The following GRK5 variants were observed in gnomAD, a reference collection of about 807,000 sequenced individuals.
GRK5 encodes the protein g protein-coupled receptor kinase GRK5.
Under a neutral mutation model 78.4 loss-of-function variants are expected in GRK5, and 40 were observed. The ratio of observed to expected loss-of-function variants is 0.51; its 90% CI spans 0.40 to 0.66. The LOEUF is 0.66. GRK5 is among the 30% of genes least tolerant of loss of function. The pLI, the probability that GRK5 is intolerant of heterozygous loss-of-function variation, is 0.00. For missense variants in GRK5, 598 were observed against 759.9 expected (o/e 0.79, Z 2.50); for synonymous variants, 289 against 296.8 (o/e 0.97, Z 0.27).
chr10:119,223,004 A>C (rs555282125), intron 1 of GRK5, among the ~76,000 whole-genome samples: 1 of 152,306 alleles, frequency 6.6e-6, no homozygotes, highest in Non-Finnish European at 1.5e-5. Context: ...TCCTAGGGAT[A>C]CGTAATAAAG....
chr10:119,276,165 G>A (rs1849666566), intron 1 of GRK5, among the ~76,000 whole-genome samples: 1 of 152,062 alleles, frequency 6.6e-6, no homozygotes, highest in African/African-American at 2.4e-5. Context: ...TGTGCACAAT[G>A]TGCAGGTTAG....
intron 2 of GRK5, chr10:119,333,782 C>T (rs746016088): frequency 3.9e-5 from 21 of 532,828 alleles, no homozygotes; most frequent in African/African-American, 7.7e-5. Flanking sequence ...CTGAGCGGAT[C>T]GCTGATCTCC....
chr10:119,414,966 C>T (rs1852416148), intron 4 of GRK5, among the ~76,000 whole-genome samples: 1 of 150,588 alleles, frequency 6.6e-6, no homozygotes, highest in South Asian at 2.1e-4. Flanking sequence ...CCTGTAATCC[C>T]AGCTACTCAG....
chr10:119,255,093 A>G lies in GRK5; in HGVS notation c.52+47124A>G, dbSNP rs553730551. Reference sequence around the variant, plus strand: ...CAGAGTAGAGCAGGAAGCTCTGTGTATGTATGCGCAGGTAAGGTCGTCAGG... The same window carrying G: ...CAGAGTAGAGCAGGAAGCTCTGTGTGTGTATGCGCAGGTAAGGTCGTCAGG... On this transcript the variant is annotated intron_variant, in intron 1 of 15. Transcript: ENST00000392870. Among the ~76,000 whole-genome samples, 14 of 150,306 alleles carry G rather than the reference A, an allele frequency of 9.3e-5. No homozygotes were observed. In the South Asian group the frequency reaches 2.9e-3, roughly 32 times the overall value.
chr10:119,417,353 T>G (rs1044838110), intron 4 of GRK5, among the ~76,000 whole-genome samples: 1 of 152,196 alleles, frequency 6.6e-6, no homozygotes, highest in Non-Finnish European at 1.5e-5. Flanking sequence ...CTCCAGATCA[T>G]TCCTGCTTCA....
chr10:119,236,534 T>C (rs1329821736), intron 1 of GRK5, among the ~76,000 whole-genome samples: 2 of 152,118 alleles, frequency 1.3e-5, no homozygotes, highest in Non-Finnish European at 2.9e-5. Flanking sequence ...ATTTTAAAAA[T>C]CGGGAAATTT....
chr10:119,327,109 T>G (rs1589746739), intron 2 of GRK5, among the ~76,000 whole-genome samples: 3 of 136,426 alleles, frequency 2.2e-5, no homozygotes, highest in African/African-American at 2.8e-5. Context: ...GGATGTGGGG[T>G]GAGGTGGGGG....
At chr10:119,332,401 C>T (rs1411826152) in intron 2 of GRK5, among the ~76,000 whole-genome samples, 1 of 152,162 alleles carries the variant, frequency 6.6e-6, no homozygotes, top group Non-Finnish European at 1.5e-5. Context: ...GCCACTGCAC[C>T]CGGCCAGCTA....
rs537397824 is a variant in GRK5 at position 119,452,561 on chromosome 10, G to A, written c.1405-110G>A. On this transcript the variant is annotated intron_variant, in intron 13 of 15. Transcript: ENST00000392870. The surrounding 1 kb of genome is among the most constrained non-coding windows in gnomAD (Gnocchi z 4.4). ...AGCCACTACCCATAGCAGTTCTGGG[G>A]GTGTGTCCTGGGAAGACTCCCTTCT... is the stretch of plus-strand genomic sequence containing the variant. The A allele has an allele frequency of 7.0e-6, 9 of 1,292,678 alleles. No homozygotes were observed. The highest frequency in any genetic ancestry group is 1.5e-5 in the African/African-American group (1 of 68,902). The allele number at this position is 1,292,678 out of a possible 1,614,324, so 80.1% of individuals were successfully genotyped here.
intron 1 of GRK5, among the ~76,000 whole-genome samples, chr10:119,242,076 A>G (rs1849036842): frequency 6.6e-6 from 1 of 152,162 alleles, no homozygotes; most frequent in Admixed American, 6.5e-5. Context: ...GGAGGGAGAC[A>G]TCTTTACAAG....
chr10:119,380,894 G>T lies in GRK5; in HGVS notation c.228G>T (p.Gly76=). The stretch of plus-strand genomic sequence containing the variant: ...GGCAGTTTTGTGAAACCAGGCCTGG[G>T]CTGGAGTGTTACATTCAGTTCCTGG... ...LFRQFCETRP[G]LECYIQFLDS... is the part of the protein sequence containing the mutation. The change falls in exon 3 of 16, where the codon GGG becomes GGT. Residue 76 remains glycine, a synonymous_variant. Transcript: ENST00000392870. The T allele has an allele frequency of 6.2e-7, 1 of 1,613,288 alleles. No individual in the cohort carries two copies. The highest frequency in any genetic ancestry group is 8.5e-7 in the Non-Finnish European group (1 of 1,179,212).
chr10:119,249,601 A>T (rs60808214), intron 1 of GRK5, among the ~76,000 whole-genome samples: 2,427 of 152,040 alleles, frequency 0.016, 64 homozygotes, highest in African/African-American at 0.054. Context: ...AGGTTCAAGC[A>T]ATTCTCTTGT....
intron 1 of GRK5, among the ~76,000 whole-genome samples, chr10:119,209,514 T>C (rs796382113): frequency 9.8e-5 from 11 of 112,184 alleles, no homozygotes; most frequent in South Asian, 3.1e-4. Flanking sequence ...TTTTTTTTTT[T>C]CCTAACCTGA....
chr10:119,245,973 T>G (rs1459123594), intron 1 of GRK5, among the ~76,000 whole-genome samples: 1 of 124,324 alleles, frequency 8.0e-6, no homozygotes, highest in Non-Finnish European at 1.5e-5. Context: ...TGAGCCGAGA[T>G]CATGCTACTG....
Position 119,455,542 on chromosome 10 carries a change from A to G in GRK5, c.*475A>G, listed in dbSNP as rs1853388724. 3.5e-6 allele frequency: 1 copy of G among 286,776 alleles called. No individual in the cohort carries two copies. Among genetic ancestry groups the G allele is most frequent in the African/African-American group, 2.3e-5 (1 of 42,906 alleles). 17.8% of individuals were successfully genotyped at this position (286,776 alleles called of 1,614,324 possible). On this transcript the variant is annotated 3_prime_UTR_variant, in exon 16 of 16. Coordinates refer to ENST00000392870, the MANE Select transcript of GRK5 (RefSeq NM_005308.3). ...ATTTTAGCGGGGAGGGGGTTATCAA[A>G]AAAAAAAAAATGTGACTCAAGACTT...
chr10:119,456,912 C>G lies in GRK5; in HGVS notation c.*1845C>G, dbSNP rs1454925875. 6.6e-6 allele frequency: 1 copy of G among 152,196 alleles called. No individual in the cohort carries two copies. Among genetic ancestry groups the G allele is most frequent in the Non-Finnish European group, 1.5e-5 (1 of 68,038 alleles). The allele number at this position is 152,196 out of a possible 1,614,324, so 9.4% of individuals were successfully genotyped here. A position where few individuals can be genotyped will look rare whatever the true frequency, so the allele number is the denominator to read the frequency against. ...GCTAAAAGGGTCCTGGCCTTTGGGA[C>G]TGATCATTTTGAGGCCCTTTTACAA... On this transcript the variant is annotated 3_prime_UTR_variant, in exon 16 of 16. Coordinates refer to ENST00000392870, the MANE Select transcript of GRK5 (RefSeq NM_005308.3). This position sits in a 1 kb window ranked among gnomAD's most constrained non-coding sequence, Gnocchi z 5.5.
chr10:119,272,617 C>T (rs552776318), intron 1 of GRK5, among the ~76,000 whole-genome samples: 2 of 147,164 alleles, frequency 1.4e-5, no homozygotes, highest in South Asian at 2.2e-4. Flanking sequence ...AAACAAGAAA[C>T]TGAGTGGATG....
intron 13 of GRK5, among the ~76,000 whole-genome samples, chr10:119,450,159 G>C (rs1255595701): frequency 2.0e-5 from 3 of 152,222 alleles, no homozygotes; most frequent in African/African-American, 7.2e-5. Flanking sequence ...TGAACATCAC[G>C]GTTGTGCCAT....
At chr10:119,254,537 G>A (rs966465515) in intron 1 of GRK5, among the ~76,000 whole-genome samples, 3 of 152,110 alleles carry the variant, frequency 2.0e-5, no homozygotes, top group African/African-American at 7.2e-5. Context: ...TGTAGCGGGT[G>A]TGGCTATCTT....
Sources: allele counts gnomAD v4.1 joint callset (sites outside exome capture counted in the v4.1 genomes callset), GRCh38; gene constraint gnomAD v4.1.1; non-coding constraint Gnocchi (gnomAD v3.1); transcripts MANE v1.5; gene names NCBI Gene and HGNC (gene_info 2026-07-23, HGNC 2026-07-21).